Variants in MLF1 observed in about 807,000 individuals in gnomAD.
MLF1 encodes myelodysplasia-myeloid leukemia factor 1.
MLF1 carries 37 observed loss-of-function variants against 38.3 expected under a neutral mutation model. The observed-to-expected ratio is 0.96, with a 90% CI of 0.74 to 1.27. The LOEUF (loss-of-function observed/expected upper bound fraction) is 1.27, where lower values mean the gene tolerates loss of function less well. Ranked by LOEUF, MLF1 falls within the 50% of genes most tolerant of loss-of-function variation. MLF1 has a pLI of 0.00. For missense variants in MLF1, 331 were observed against 349.2 expected, an observed-to-expected ratio of 0.95 and a Z score of 0.42; for synonymous variants, 95 against 106.5, an observed-to-expected ratio of 0.89 and a Z score of 0.66.
intron 1 of MLF1, among the ~76,000 whole-genome samples, chr3:158,574,505 T>TA (rs758915813): frequency 0.11 from 9,638 of 91,218 alleles, 608 homozygotes; most frequent in Non-Finnish European, 0.14. Context: ...CCATCTGTAC[T>TA]AAAAAAAAAA....
chr3:158,595,218 G>T (rs1405836495), intron 3 of MLF1, among the ~76,000 whole-genome samples: 2 of 152,034 alleles, frequency 1.3e-5, no homozygotes, highest in Non-Finnish European at 2.9e-5. Flanking sequence ...GACCAGCGGT[G>T]GCCTTTCTCA....
chr3:158,582,350 A>G (rs1324725975), intron 1 of MLF1, among the ~76,000 whole-genome samples: 1 of 152,170 alleles, frequency 6.6e-6, no homozygotes, highest in Non-Finnish European at 1.5e-5. Flanking sequence ...GAACTGTGGC[A>G]AGAACTGTAG....
At position 158,598,080 on chromosome 3, in the gene MLF1, G is replaced by A. The variant is rs369492661; in HGVS notation, c.325G>A (p.Gly109Ser). 6.8e-6 allele frequency: 11 copies of A among 1,612,072 alleles called. No individual in the cohort carries two copies. The highest frequency in any genetic ancestry group is 1.3e-5 in the African/African-American group (1 of 74,860). Reference protein sequence around the residue: ...NYMQKLERNFGQLSVDPNGHS... With the variant: ...NYMQKLERNFSQLSVDPNGHS... Reference sequence around the variant, plus strand: ...GAATTTACAATTTGTTTACCTGTAGGGTCAACTTTCAGTGGATCCAAATGG... The same window carrying A: ...GAATTTACAATTTGTTTACCTGTAGAGTCAACTTTCAGTGGATCCAAATGG... The change falls in exon 5 of 8, where the codon GGT becomes AGT. Residue 109 changes from glycine to serine, a missense_variant and splice_region_variant. By Grantham distance (56) the Gly-to-Ser change is moderately conservative. Coordinates refer to ENST00000466246, the MANE Select transcript of MLF1 (RefSeq NM_001369783.1).
intron 1 of MLF1, among the ~76,000 whole-genome samples, chr3:158,572,323 T>G: frequency 8.3e-6 from 1 of 121,210 alleles, no homozygotes; most frequent in African/African-American, 3.3e-5. Flanking sequence ...GTTAAGAGCT[T>G]GAAGTGCAGG....
chr3:158,581,326 A>G (rs1220096329), intron 1 of MLF1, among the ~76,000 whole-genome samples: 1 of 152,232 alleles, frequency 6.6e-6, no homozygotes, highest in Non-Finnish European at 1.5e-5. Context: ...TGCTTCCAGC[A>G]GAAGAGAGGG....
intron 3 of MLF1, among the ~76,000 whole-genome samples, chr3:158,596,021 C>T (rs564765275): frequency 2.0e-4 from 30 of 152,200 alleles, no homozygotes; most frequent in African/African-American, 6.5e-4. Flanking sequence ...TCAACCTCAG[C>T]CCTACTGTCA....
chr3:158,571,264 T>C lies in MLF1; in HGVS notation c.-37T>C. On this transcript the variant is annotated 5_prime_UTR_variant, in exon 1 of 8. Coordinates refer to ENST00000466246, the MANE Select transcript of MLF1 (RefSeq NM_001369783.1). The stretch of plus-strand genomic sequence containing the variant: ...CGGCGAGTTAACATCGTTTTTCCAA[T>C]CTGTCCGCGGCTGCCGCCACCCAAG... The C allele has an allele frequency of 6.5e-7, 1 of 1,545,008 alleles. No individual in the cohort carries two copies. The highest frequency in any genetic ancestry group is 2.3e-5 in the East Asian group (1 of 44,278).
intron 1 of MLF1, among the ~76,000 whole-genome samples, chr3:158,577,817 A>G (rs1715683165): frequency 6.6e-6 from 1 of 152,204 alleles, no homozygotes; most frequent in Admixed American, 6.5e-5. Flanking sequence ...ACTTCTGCCA[A>G]TTAATATTGT....
At chr3:158,581,794 G>A (rs962781580) in intron 1 of MLF1, among the ~76,000 whole-genome samples, 5 of 152,190 alleles carry the variant, frequency 3.3e-5, no homozygotes, top group African/African-American at 1.2e-4. Context: ...AATGTGCCAA[G>A]GGCTTTAATG....
At chr3:158,596,990 A>G (rs1718978567) in intron 4 of MLF1, 45 bp downstream of exon 4, 1 of 1,258,580 alleles carries the variant, frequency 7.9e-7, no homozygotes, top group Non-Finnish European at 1.1e-6. Context: ...GTATACTTTG[A>G]TATATTCTAT....
At chr3:158,573,243 G>A (rs949479992) in intron 1 of MLF1, 6 of 151,448 alleles carry the variant, frequency 4.0e-5, no homozygotes, top group African/African-American at 1.5e-4. Context: ...TCTCTTCGAA[G>A]TTGTTGGAAG....
At chr3:158,600,592 T>C (rs1318198468) in intron 6 of MLF1, among the ~76,000 whole-genome samples, 1 of 151,652 alleles carries the variant, frequency 6.6e-6, no homozygotes, top group Non-Finnish European at 1.5e-5. Context: ...AAACACTTTT[T>C]TCTCAAATTA....
rs563392717 is a variant in MLF1, at chr3:158,578,530, G to A, written c.47+7183G>A. ...AACACACACACACACACACACACACGTACACACTATGTTGAAATCATTCCC... is the reference window on the plus strand; with the variant it reads ...AACACACACACACACACACACACACATACACACTATGTTGAAATCATTCCC... On this transcript the variant is annotated intron_variant, in intron 1 of 7. Coordinates refer to ENST00000466246, the MANE Select transcript of MLF1 (RefSeq NM_001369783.1). Among the ~76,000 whole-genome samples the A allele has an allele frequency of 7.4e-4, 112 of 150,360 alleles. No individual in the cohort carries two copies. The South Asian group carries it at 9.7e-3, about 13-fold the overall frequency.
At chr3:158,572,510 G>A (rs1228132675) in intron 1 of MLF1, among the ~76,000 whole-genome samples, 10 of 118,298 alleles carry the variant, frequency 8.5e-5, no homozygotes, top group Non-Finnish European at 1.4e-4. Flanking sequence ...GGGGCATGAG[G>A]TGTGGGAGGA....
chr3:158,582,644 A>T (rs899714696), intron 1 of MLF1: 2 of 382,776 alleles, frequency 5.2e-6, no homozygotes, highest in Non-Finnish European at 9.2e-6. Flanking sequence ...ATTATATCTG[A>T]CTTCTCTTCA....
At chr3:158,589,014 A>G in intron 1 of MLF1, 1 of 424,100 alleles carries the variant, frequency 2.4e-6, no homozygotes, top group South Asian at 1.7e-5. Context: ...CAAAGTCACT[A>G]AGGAGGAACT....
chr3:158,585,115 G>A (rs1455954070), intron 1 of MLF1, among the ~76,000 whole-genome samples: 17 of 151,524 alleles, frequency 1.1e-4, no homozygotes, highest in Admixed American at 1.1e-3. Flanking sequence ...AGAATGTCAT[G>A]TTGAAATCTG....
rs1714206672 is a variant in MLF1, at chr3:158,571,198, G to A, written c.-103G>A. 1 of 898,714 alleles carries A rather than the reference G, an allele frequency of 1.1e-6. No homozygotes were observed. The highest frequency in any genetic ancestry group is 1.8e-6 in the Non-Finnish European group (1 of 562,800). The allele number at this position is 898,714 out of a possible 1,614,324, so 55.7% of individuals were successfully genotyped here. A position where few individuals can be genotyped will look rare whatever the true frequency, so the allele number is the denominator to read the frequency against. ...GGGCACCGCCTGCGCCGCGGCGAGT[G>A]AGGCGTCGTCCGTACTGGAGGCTAG... is the stretch of plus-strand genomic sequence containing the variant. On this transcript the variant is annotated 5_prime_UTR_variant, in exon 1 of 8. Coordinates refer to ENST00000466246, the MANE Select transcript of MLF1 (RefSeq NM_001369783.1).
chr3:158,596,255 C>T (rs1718859591), intron 3 of MLF1, among the ~76,000 whole-genome samples: 1 of 152,112 alleles, frequency 6.6e-6, no homozygotes, highest in Admixed American at 6.6e-5. Flanking sequence ...TCTGAAGACA[C>T]ATACCTCATG....
Sources: gnomAD v4.1 joint callset for allele counts (sites outside exome capture counted in the v4.1 genomes callset) on GRCh38, gnomAD v4.1.1 for gene constraint, MANE v1.5 for transcripts, NCBI Gene and HGNC (gene_info 2026-07-23, HGNC 2026-07-21) for gene names.